NDST4: variants seen among roughly 807,000 people sequenced by gnomAD.
NDST4 encodes N-heparan sulfate sulfotransferase 4.
NDST4 carries 63 observed loss-of-function variants against 100.8 expected under a neutral mutation model. The ratio of observed to expected loss-of-function variants is 0.62; its 90% CI spans 0.51 to 0.77. The LOEUF (loss-of-function observed/expected upper bound fraction) is 0.77, where lower values mean the gene tolerates loss of function less well. NDST4 is among the 30% of genes least tolerant of loss of function. The probability of loss-of-function intolerance (pLI) is 0.00; values close to 1 mark genes in which losing one functional copy is unlikely to be tolerated. For synonymous variants in NDST4, 377 were observed against 361.8 expected (o/e 1.04, Z -0.48); for missense variants, 943 against 1,018.4 (o/e 0.93, Z 1.01).
At chr4:114,932,714 A>T (rs568058426) in intron 6 of NDST4, among the ~76,000 whole-genome samples, 1 of 152,052 alleles carries the variant, frequency 6.6e-6, no homozygotes, top group Non-Finnish European at 1.5e-5. Context: ...TGAAAAAGAA[A>T]TAAAAAAGAT....
intron 2 of NDST4, among the ~76,000 whole-genome samples, chr4:115,047,548 G>A (rs1344136936): frequency 4.6e-5 from 7 of 151,796 alleles, no homozygotes; most frequent in African/African-American, 7.3e-5. Flanking sequence ...TTTTAATTCC[G>A]ATAGCTTTGT....
intron 9 of NDST4, among the ~76,000 whole-genome samples, chr4:114,847,558 T>A (rs996213315): frequency 3.9e-5 from 6 of 152,132 alleles, no homozygotes; most frequent in Admixed American, 3.9e-4. Flanking sequence ...AGGACCATGT[T>A]TTCTTGAAAA....
intron 6 of NDST4, among the ~76,000 whole-genome samples, chr4:114,882,153 T>C (rs577971807): frequency 3.2e-4 from 49 of 151,270 alleles, no homozygotes; most frequent in African/African-American, 1.2e-3. Flanking sequence ...TTTTTTTTTT[T>C]AGTTTTTAGT....
chr4:114,997,832 C>A (rs1727198786), intron 2 of NDST4, among the ~76,000 whole-genome samples: 1 of 151,960 alleles, frequency 6.6e-6, no homozygotes, highest in Non-Finnish European at 1.5e-5. Context: ...TTCTTTTCTG[C>A]CCACTCCAAC....
At chr4:114,845,531 T>A (rs1235096093) in intron 10 of NDST4, among the ~76,000 whole-genome samples, 2 of 152,224 alleles carry the variant, frequency 1.3e-5, no homozygotes, top group African/African-American at 4.8e-5. Context: ...CTTTTAAATT[T>A]GTTAATTTTT....
In NDST4 at chr4:115,008,232, T is replaced by C. The variant is rs575758937; in HGVS notation, c.979-30958A>G. Among the ~76,000 whole-genome samples, 3 of 129,986 alleles carry C rather than the reference T, an allele frequency of 2.3e-5. 1 individual carries two copies. The highest frequency in any genetic ancestry group is 8.7e-5 in the African/African-American group (3 of 34,334). The allele number at this position is 129,986 out of a possible 152,430, so 85.3% of individuals were successfully genotyped here. On this transcript the variant is annotated intron_variant, in intron 2 of 13. Transcript: ENST00000264363. ...TAAAGTTAATACTGTTATGTGTGAA[T>C]TTGATCCTGTCATTATGATGTTAGC...
Position 114,839,542 on chromosome 4 carries a change from G to T in NDST4, c.2122C>A (p.Arg708=). 6.2e-7 allele frequency: 1 copy of T among 1,612,756 alleles called. No individual in the cohort carries two copies. The highest frequency in any genetic ancestry group is 8.5e-7 in the Non-Finnish European group (1 of 1,179,348). The part of the protein sequence containing the change: ...DRAYSWYQHQ[R]SHEDPAALRF... ...AGAGCAGCTGGATCTTCATGTGATC[G>T]TTGGTGCTTTAACAAGAAAGTCAAT... The change falls in exon 11 of 14, where the codon CGA becomes AGA. Residue 708 remains arginine, a synonymous_variant. Transcript: ENST00000264363.
chr4:114,929,090 A>ATCCG (rs1725449986), intron 6 of NDST4, among the ~76,000 whole-genome samples: 1 of 119,524 alleles, frequency 8.4e-6, no homozygotes, highest in Non-Finnish European at 1.9e-5. Flanking sequence ...CCATCCATCC[A>ATCCG]TCCATCCATC....
chr4:115,032,201 C>T (rs1342892170), intron 2 of NDST4, among the ~76,000 whole-genome samples: 1 of 151,996 alleles, frequency 6.6e-6, no homozygotes, highest in Admixed American at 6.6e-5. Context: ...TAAGCTGCTT[C>T]CTAGTCTTCA....
At chr4:114,888,974 A>G (rs1724536703) in intron 6 of NDST4, among the ~76,000 whole-genome samples, 1 of 151,876 alleles carries the variant, frequency 6.6e-6, no homozygotes, top group South Asian at 2.1e-4. Context: ...TATTTTTTTA[A>G]AGGTTATTTC....
At chr4:115,033,153 A>ATGTG (rs1253467263) in intron 2 of NDST4, among the ~76,000 whole-genome samples, 1 of 75,652 alleles carries the variant, frequency 1.3e-5, no homozygotes, top group Non-Finnish European at 2.3e-5. Flanking sequence ...ATATATATAT[A>ATGTG]TATATTTTTT....
chr4:115,110,215 C>T (rs527402687), intron 1 of NDST4, among the ~76,000 whole-genome samples: 4 of 152,040 alleles, frequency 2.6e-5, no homozygotes, highest in Admixed American at 2.6e-4. Context: ...TTGCAAATAA[C>T]ACCTCTAACT....
Position 115,013,352 on chromosome 4 carries a change from T to TATATATATATATATATATATATAC in NDST4, c.979-36079_979-36078insGTATATATATATATATATATATAT, listed in dbSNP as rs1727599450. Among the ~76,000 whole-genome samples the TATATATATATATATATATATATAC allele has an allele frequency of 3.5e-5, 3 of 85,704 alleles. No individual in the cohort carries two copies. In the South Asian group the frequency reaches 1.0e-3, roughly 29 times the overall value. The allele number at this position is 85,704 out of a possible 152,430, so 56.2% of individuals were successfully genotyped here. A position where few individuals can be genotyped will look rare whatever the true frequency, so the allele number is the denominator to read the frequency against. ...TCCATAAAAATATAAATACCATATATATATATATATATATATATACACACA... is the reference window on the plus strand; with the variant it reads ...TCCATAAAAATATAAATACCATATATATATATATATATATATATATATACATATATATATATATATATACACACA... On this transcript the variant is annotated intron_variant, in intron 2 of 13. Coordinates refer to ENST00000264363, the MANE Select transcript of NDST4 (RefSeq NM_022569.3).
chr4:114,987,641 A>C (rs1338316505), intron 2 of NDST4, among the ~76,000 whole-genome samples: 1 of 152,218 alleles, frequency 6.6e-6, no homozygotes, highest in Non-Finnish European at 1.5e-5. Flanking sequence ...TCTGTGAAAA[A>C]ATAATTGTAT....
rs59806494 is a variant in NDST4 at position 114,986,793 on chromosome 4, C to CATATAT, written c.979-9525_979-9520dup. ...CCTCTAAGCCTGGTATCCAATTATACATATATATATATATATATATATATA... is the reference window on the plus strand; with the variant it reads ...CCTCTAAGCCTGGTATCCAATTATACATATATATATATATATATATATATATATATA... On this transcript the variant is annotated intron_variant, in intron 2 of 13. Coordinates refer to ENST00000264363, the MANE Select transcript of NDST4 (RefSeq NM_022569.3). Among the ~76,000 whole-genome samples the CATATAT allele has an allele frequency of 6.6e-3, 599 of 90,950 alleles. 10 individuals are homozygous for CATATAT. The highest frequency in any genetic ancestry group is 0.022 in the South Asian group (35 of 1,596). 59.7% of individuals were successfully genotyped at this position (90,950 alleles called of 152,430 possible). A position where few individuals can be genotyped will look rare whatever the true frequency, so the allele number is the denominator to read the frequency against.
At chr4:115,092,174 C>T (rs10471004) in intron 1 of NDST4, among the ~76,000 whole-genome samples, 5,446 of 152,144 alleles carry the variant, frequency 0.036, 364 homozygotes, top group African/African-American at 0.12. Context: ...TCTTCAAGTG[C>T]CACTGCTATT....
At chr4:114,943,601 G>C (rs192909349) in intron 4 of NDST4, among the ~76,000 whole-genome samples, 13 of 151,910 alleles carry the variant, frequency 8.6e-5, no homozygotes, top group Admixed American at 2.0e-4. Flanking sequence ...TAATCTCTTC[G>C]TGTAGAGAGA....
intron 6 of NDST4, among the ~76,000 whole-genome samples, chr4:114,929,058 GTCCGTCCGTCCGTCCGTCCA>G (rs1487706658): frequency 3.6e-4 from 36 of 99,012 alleles, no homozygotes; most frequent in Middle Eastern, 4.4e-3. Flanking sequence ...CCGTCCGTCC[GTCCGTCCGTCCGTCCGTCCA>G]TCCATCCATC....
At chr4:115,050,215 CTG>C (rs1262528249) in intron 2 of NDST4, among the ~76,000 whole-genome samples, 4 of 152,056 alleles carry the variant, frequency 2.6e-5, no homozygotes, top group African/African-American at 9.7e-5. Flanking sequence ...TAGTTTTGGT[CTG>C]TACTATCTCA....
Sources: gnomAD v4.1 joint callset for allele counts (sites outside exome capture counted in the v4.1 genomes callset) on GRCh38, gnomAD v4.1.1 for gene constraint, MANE v1.5 for transcripts, NCBI Gene and HGNC (gene_info 2026-07-23, HGNC 2026-07-21) for gene names.